Variants in PTPRJ observed in about 807,000 individuals in gnomAD.
PTPRJ encodes the protein protein tyrosine phosphatase receptor type J.
PTPRJ carries 129 observed loss-of-function variants against 141.3 expected under a neutral mutation model. That is an observed-to-expected ratio of 0.91 (90% CI 0.79 to 1.06). The LOEUF is 1.06. Among genes scored for constraint, PTPRJ ranks in the 50% least tolerant of loss-of-function variants. PTPRJ has a pLI of 0.00. For synonymous variants in PTPRJ, 610 were observed against 640.5 expected, an observed-to-expected ratio of 0.95 and a Z score of 0.72; for missense variants, 1,601 against 1,679.7, an observed-to-expected ratio of 0.95 and a Z score of 0.82.
Position 48,112,895 on chromosome 11 carries a change from A to C in PTPRJ, c.264A>C (p.Glu88Asp), listed in dbSNP as rs1221380999. Reference sequence around the variant, plus strand: ...AAACAAACACCAGTGAGGATGGTGAAAGCTCTGGAGCCAACGATAGTTTAA... The same window carrying C: ...AAACAAACACCAGTGAGGATGGTGACAGCTCTGGAGCCAACGATAGTTTAA... Reference protein sequence around the residue: ...QVETNTSEDGESSGANDSLRT... With the variant: ...QVETNTSEDGDSSGANDSLRT... The change falls in exon 3 of 25, where the codon GAA (glutamate) becomes GAC (aspartate). Residue 88 changes from glutamate to aspartate, a missense_variant. Coordinates refer to ENST00000418331, the MANE Select transcript of PTPRJ (RefSeq NM_002843.4). The C allele has an allele frequency of 6.2e-7, 1 of 1,614,196 alleles. No individual in the cohort carries two copies. The highest frequency in any genetic ancestry group is 1.1e-5 in the South Asian group (1 of 91,084).
At chr11:48,160,902 C>T (rs1338157402) in intron 22 of PTPRJ, among the ~76,000 whole-genome samples, 1 of 151,878 alleles carries the variant, frequency 6.6e-6, no homozygotes, top group Non-Finnish European at 1.5e-5. Flanking sequence ...AAATGATGGC[C>T]CAGGTGCGGT....
chr11:48,014,474 A>G (rs1445419355), intron 1 of PTPRJ: 2 of 152,196 alleles, frequency 1.3e-5, no homozygotes, highest in Admixed American at 1.3e-4. Context: ...AAATTCATTT[A>G]TTCAAAAAAT....
At chr11:48,155,385 T>C in intron 19 of PTPRJ, among the ~76,000 whole-genome samples, 1 of 152,192 alleles carries the variant, frequency 6.6e-6, no homozygotes, top group East Asian at 1.9e-4. Flanking sequence ...CTCAGTTTCC[T>C]CATCTGTGAA....
chr11:48,104,427 A>G (rs898070993), intron 1 of PTPRJ, among the ~76,000 whole-genome samples: 1 of 152,226 alleles, frequency 6.6e-6, no homozygotes, highest in Non-Finnish European at 1.5e-5. Context: ...CTGCTATTTG[A>G]TTTTAAACAT....
intron 1 of PTPRJ, among the ~76,000 whole-genome samples, chr11:48,018,905 C>T (rs1005329240): frequency 6.6e-6 from 1 of 152,202 alleles, no homozygotes; most frequent in Non-Finnish European, 1.5e-5. Context: ...CAGAGGCCCT[C>T]CTTCTCCCCG....
Position 48,112,990 on chromosome 11 carries a change from A to C in PTPRJ, c.352+7A>C. The C allele has an allele frequency of 6.3e-7, 1 of 1,589,386 alleles. No individual in the cohort carries two copies. Among genetic ancestry groups the C allele is most frequent in the Non-Finnish European group, 8.6e-7 (1 of 1,161,018 alleles). ...AAAACTCCCAGTAGCACTGGTAAGC[A>C]TAGGCTTTTCTGCCAGTCATGTTTC... On this transcript the variant is annotated splice_region_variant and intron_variant, in intron 3 of 24. Coordinates refer to ENST00000418331, the MANE Select transcript of PTPRJ (RefSeq NM_002843.4).
intron 1 of PTPRJ, among the ~76,000 whole-genome samples, chr11:48,061,491 G>C (rs1258811826): frequency 6.6e-6 from 1 of 152,198 alleles, no homozygotes; most frequent in Non-Finnish European, 1.5e-5. Flanking sequence ...AGTAACACAG[G>C]CAGTGCTGTG....
At chr11:48,069,445 ATT>A (rs35405916) in intron 1 of PTPRJ, among the ~76,000 whole-genome samples, 18,329 of 121,034 alleles carry the variant, frequency 0.15, 1,914 homozygotes, top group African/African-American at 0.22. Flanking sequence ...TACATTGATA[ATT>A]TTTTTTTTTT....
At chr11:48,000,326 G>A (rs1175393250) in intron 1 of PTPRJ, among the ~76,000 whole-genome samples, 1 of 149,148 alleles carries the variant, frequency 6.7e-6, no homozygotes, top group Non-Finnish European at 1.5e-5. Flanking sequence ...TTTTTTTTTT[G>A]TAGAGATGGG....
At chr11:48,040,656 C>T (rs1361334247) in intron 1 of PTPRJ, among the ~76,000 whole-genome samples, 5 of 144,244 alleles carry the variant, frequency 3.5e-5, no homozygotes, top group African/African-American at 5.4e-5. Flanking sequence ...GGCTGGAGTG[C>T]GATGGTGCAG....
chr11:48,167,467 T>G lies in PTPRJ; in HGVS notation c.*105T>G. 5.4e-6 allele frequency: 7 copies of G among 1,306,696 alleles called. No homozygotes were observed. The highest frequency in any genetic ancestry group is 2.6e-5 in the Admixed American group (1 of 38,324). 80.9% of individuals were successfully genotyped at this position (1,306,696 alleles called of 1,614,324 possible). On this transcript the variant is annotated 3_prime_UTR_variant, in exon 25 of 25. Transcript: ENST00000418331. ...TTTATATGTCTAATATCTTAATTCT[T>G]TGTTCTGTTTTGTGAGAACTAATTT... is the stretch of plus-strand genomic sequence containing the variant.
At chr11:48,031,357 C>T (rs1853978243) in intron 1 of PTPRJ, among the ~76,000 whole-genome samples, 1 of 152,176 alleles carries the variant, frequency 6.6e-6, no homozygotes. Flanking sequence ...AGTCTCTTGG[C>T]TCTCTGAGCT....
At chr11:48,008,538 G>A (rs1308361109) in intron 1 of PTPRJ, among the ~76,000 whole-genome samples, 4 of 151,644 alleles carry the variant, frequency 2.6e-5, no homozygotes, top group Non-Finnish European at 5.9e-5. Context: ...GATTACAGGC[G>A]TGAGCCACCA....
intron 1 of PTPRJ, among the ~76,000 whole-genome samples, chr11:48,057,858 T>A (rs1427055931): frequency 6.6e-6 from 1 of 151,634 alleles, no homozygotes; most frequent in East Asian, 1.9e-4. Flanking sequence ...CCACAGTTCA[T>A]GACTGCTTCA....
rs537644567 is a variant in PTPRJ at position 48,010,871 on chromosome 11, G to C, written c.96+29863G>C. 2.6e-5 allele frequency among the ~76,000 whole-genome samples: 4 copies of C among 151,998 alleles called. No individual in the cohort carries two copies. In the East Asian group the frequency reaches 7.7e-4, roughly 29 times the overall value. On this transcript the variant is annotated intron_variant, in intron 1 of 24. Transcript: ENST00000418331. ...ATTATTATTATTATTTTGGAGATAG[G>C]GTTTTTCTGTGTGGCTCAGGCTGGA...
intron 24 of PTPRJ, 148 bp downstream of exon 24, chr11:48,164,663 T>G (rs1481504273): frequency 4.1e-6 from 3 of 730,714 alleles, no homozygotes; most frequent in African/African-American, 3.7e-5. Context: ...GCCTCCTGGG[T>G]TCAAGTGATT....
At chr11:48,149,747 A>T in intron 16 of PTPRJ, 1 of 549,076 alleles carries the variant, frequency 1.8e-6, no homozygotes, top group Non-Finnish European at 3.2e-6. Flanking sequence ...CAAATAGGTT[A>T]TCAAGATCCA....
intron 1 of PTPRJ, among the ~76,000 whole-genome samples, chr11:48,069,445 ATTTT>A (rs35405916): frequency 1.7e-4 from 21 of 121,304 alleles, no homozygotes; most frequent in Non-Finnish European, 2.0e-4. Context: ...TACATTGATA[ATTTT>A]TTTTTTTTTT....
At chr11:48,069,523 C>T (rs1855180744) in intron 1 of PTPRJ, among the ~76,000 whole-genome samples, 1 of 143,104 alleles carries the variant, frequency 7.0e-6, no homozygotes, top group Non-Finnish European at 1.5e-5. Context: ...AATCTTGGCT[C>T]ACTGCAAGCT....
Sources: allele counts gnomAD v4.1 joint callset (sites outside exome capture counted in the v4.1 genomes callset), GRCh38; gene constraint gnomAD v4.1.1; transcripts MANE v1.5; gene names NCBI Gene and HGNC (gene_info 2026-07-23, HGNC 2026-07-21).